Variants in PDCD10 observed in about 807,000 individuals in gnomAD.
The protein encoded by PDCD10 is programmed cell death 10, also known as programmed cell death protein 10.
Under a neutral mutation model 29.2 loss-of-function variants are expected in PDCD10, and 4 were observed. The ratio of observed to expected loss-of-function variants is 0.14; its 90% CI spans 0.07 to 0.31. The LOEUF (loss-of-function observed/expected upper bound fraction) is 0.31. Among genes scored for constraint, PDCD10 ranks in the 10% least tolerant of loss-of-function variants. PDCD10 has a pLI of 1.00. For synonymous variants in PDCD10, 70 were observed against 82.2 expected (o/e 0.85, Z 0.80); for missense variants, 183 against 257.9 (o/e 0.71, Z 1.99).
intron 6 of PDCD10, among the ~76,000 whole-genome samples, chr3:167,691,209 C>T (rs895407335): frequency 6.6e-6 from 1 of 152,120 alleles, no homozygotes; most frequent in Non-Finnish European, 1.5e-5. Context: ...CAATATATGA[C>T]AGTGATACAA....
intron 4 of PDCD10, among the ~76,000 whole-genome samples, 180 bp from the exon 5 acceptor site, chr3:167,697,306 C>T (rs577561228): frequency 3.9e-5 from 6 of 152,046 alleles, no homozygotes; most frequent in African/African-American, 7.2e-5. Flanking sequence ...CTTGTGCACC[C>T]GACTCTTTAC....
In PDCD10 at chr3:167,683,685, A is replaced by T. The variant is rs1183165647; in HGVS notation, c.*623T>A. 2 of 151,882 alleles carry T rather than the reference A, an allele frequency of 1.3e-5. No individual in the cohort carries two copies. The highest frequency in any genetic ancestry group is 4.8e-5 in the African/African-American group (2 of 41,406). The allele number at this position is 151,882 out of a possible 1,614,324, so 9.4% of individuals were successfully genotyped here. Reference sequence around the variant, plus strand: ...ATCATATAAAAATACTCAGTACCTTATAAGTAATTAACAAAAATATTTCCA... The same window carrying T: ...ATCATATAAAAATACTCAGTACCTTTTAAGTAATTAACAAAAATATTTCCA... On this transcript the variant is annotated 3_prime_UTR_variant, in exon 9 of 9. Coordinates refer to ENST00000392750, the MANE Select transcript of PDCD10 (RefSeq NM_007217.4).
intron 2 of PDCD10, among the ~76,000 whole-genome samples, chr3:167,732,041 G>A (rs551910952): frequency 5.9e-5 from 9 of 152,282 alleles, no homozygotes; most frequent in Admixed American, 1.3e-4. Context: ...GAGCTGGATA[G>A]GAGAAGAGAT....
intron 3 of PDCD10, among the ~76,000 whole-genome samples, chr3:167,714,730 A>C (rs1559968409): frequency 6.6e-6 from 1 of 151,994 alleles, no homozygotes; most frequent in Non-Finnish European, 1.5e-5. Flanking sequence ...GAATTAAGTT[A>C]ACCAAGGAAC....
chr3:167,725,454 C>A (rs1049619894), intron 2 of PDCD10: 2 of 151,384 alleles, frequency 1.3e-5, no homozygotes, highest in Admixed American at 1.3e-4. Flanking sequence ...AAACAAGAGA[C>A]CAAGATTTAG....
chr3:167,711,476 G>A (rs1379022048), intron 3 of PDCD10, among the ~76,000 whole-genome samples: 1 of 152,064 alleles, frequency 6.6e-6, no homozygotes, highest in Non-Finnish European at 1.5e-5. Context: ...AAATGCAGAG[G>A]AGACAAAAGT....
At chr3:167,718,574 C>T (rs1022780606) in intron 3 of PDCD10, among the ~76,000 whole-genome samples, 1 of 151,866 alleles carries the variant, frequency 6.6e-6, no homozygotes, top group African/African-American at 2.4e-5. Context: ...GGCTAGGTTT[C>T]GTCATTAGAA....
At chr3:167,723,222 T>C (rs980157980) in intron 2 of PDCD10, among the ~76,000 whole-genome samples, 1 of 152,216 alleles carries the variant, frequency 6.6e-6, no homozygotes, top group Admixed American at 6.5e-5. Context: ...TCCTTCCGCA[T>C]GCTTCTTCAT....
At chr3:167,723,584 A>G (rs1723796180) in intron 2 of PDCD10, among the ~76,000 whole-genome samples, 1 of 152,248 alleles carries the variant, frequency 6.6e-6, no homozygotes, top group East Asian at 1.9e-4. Context: ...GCTCCTGGTC[A>G]CAACATCTAG....
chr3:167,708,143 T>C (rs1722175203), intron 3 of PDCD10, among the ~76,000 whole-genome samples: 1 of 152,106 alleles, frequency 6.6e-6, no homozygotes, highest in Non-Finnish European at 1.5e-5. Context: ...GGTCCACTTA[T>C]AAAAATATTT....
intron 6 of PDCD10, among the ~76,000 whole-genome samples, chr3:167,689,103 T>C (rs1719950709): frequency 6.6e-6 from 1 of 152,192 alleles, no homozygotes; most frequent in Admixed American, 6.5e-5. Flanking sequence ...CATATTCAAG[T>C]AGGACAGTAA....
intron 6 of PDCD10, 71 bp downstream of exon 6, chr3:167,695,525 A>T (rs754988268): frequency 1.1e-5 from 16 of 1,401,548 alleles, no homozygotes; most frequent in African/African-American, 1.4e-5. Flanking sequence ...TACCAAAATT[A>T]AAAAATGTAG....
At chr3:167,718,707 G>A (rs1723266902) in intron 3 of PDCD10, among the ~76,000 whole-genome samples, 1 of 151,116 alleles carries the variant, frequency 6.6e-6, no homozygotes, top group Non-Finnish European at 1.5e-5. Flanking sequence ...TCCCCTTCCA[G>A]GCAACAACTT....
At chr3:167,699,556 A>G (rs1013769935) in intron 4 of PDCD10, among the ~76,000 whole-genome samples, 1 of 152,184 alleles carries the variant, frequency 6.6e-6, no homozygotes, top group Non-Finnish European at 1.5e-5. Flanking sequence ...TATGGTCTTA[A>G]ATCAGGGAGA....
At chr3:167,704,556 GAAAA>G (rs1198898884) in intron 4 of PDCD10, 3 of 199,472 alleles carry the variant, frequency 1.5e-5, no homozygotes, top group Non-Finnish European at 9.6e-6. Context: ...TCAAATAATA[GAAAA>G]AAAAAAAAAC....
At chr3:167,723,339 C>A (rs555976444) in intron 2 of PDCD10, among the ~76,000 whole-genome samples, 1 of 152,300 alleles carries the variant, frequency 6.6e-6, no homozygotes, top group South Asian at 2.1e-4. Context: ...CCCCCTTTGA[C>A]AAGGTGCCTT....
intron 3 of PDCD10, among the ~76,000 whole-genome samples, chr3:167,717,856 T>A (rs748365773): frequency 5.9e-5 from 9 of 152,054 alleles, no homozygotes; most frequent in Non-Finnish European, 1.0e-4. Context: ...TAAATTCAAT[T>A]TGAGAATTAT....
In PDCD10 at chr3:167,730,132, C is replaced by T. The variant is rs115103190; in HGVS notation, c.-117+4082G>A. ...CCATCTTCATACAGACAAAAATGAA[C>T]CATCAAACCACAGTGTTTATCTTTC... On this transcript the variant is annotated intron_variant, in intron 2 of 8. Coordinates refer to ENST00000392750, the MANE Select transcript of PDCD10 (RefSeq NM_007217.4). Among the ~76,000 whole-genome samples, 445 of 152,102 alleles carry T rather than the reference C, an allele frequency of 2.9e-3. 3 individuals are homozygous for T. The highest frequency in any genetic ancestry group is 0.01 in the African/African-American group (424 of 41,512).
At chr3:167,700,038 C>A (rs925240945) in intron 4 of PDCD10, among the ~76,000 whole-genome samples, 1 of 152,006 alleles carries the variant, frequency 6.6e-6, no homozygotes, top group East Asian at 1.9e-4. Context: ...AAAACTCACA[C>A]GCAAACAGAC....
Sources: gnomAD v4.1 joint callset for allele counts (sites outside exome capture counted in the v4.1 genomes callset) on GRCh38, gnomAD v4.1.1 for gene constraint, MANE v1.5 for transcripts, NCBI Gene and HGNC (gene_info 2026-07-23, HGNC 2026-07-21) for gene names.